The following ABCB4 variants were observed in gnomAD, a reference collection of about 807,000 sequenced individuals.
The protein encoded by ABCB4 is ATP binding cassette subfamily B member 4, also known as phosphatidylcholine translocator ABCB4.
A neutral mutation model predicts 145.7 loss-of-function variants in ABCB4; 76 were observed. The ratio of observed to expected loss-of-function variants is 0.52; its 90% confidence interval spans 0.43 to 0.63. ABCB4 has a LOEUF of 0.63. Ranked by LOEUF, ABCB4 falls within the 30% of genes least tolerant of loss-of-function variation. ABCB4 has a pLI of 0.00. For missense variants in ABCB4, 1,234 were observed against 1,553.1 expected (o/e 0.79, Z 3.45); for synonymous variants, 517 against 566.8 (o/e 0.91, Z 1.25).
At chr7:87,432,512 A>C (rs369547575) in intron 14 of ABCB4, among the ~76,000 whole-genome samples, 36 of 152,370 alleles carry the variant, frequency 2.4e-4, no homozygotes, top group East Asian at 2.3e-3. Flanking sequence ...AAAATGTGGT[A>C]TATCCATATA....
At chr7:87,454,353 C>G (rs551477772) in intron 5 of ABCB4, among the ~76,000 whole-genome samples, 182 bp downstream of exon 5, 1 of 152,146 alleles carries the variant, frequency 6.6e-6, no homozygotes, top group Non-Finnish European at 1.5e-5. Context: ...TCTTAGGAGT[C>G]ATACTGCAGT....
chr7:87,459,429 G>A (rs45500796), intron 4 of ABCB4, among the ~76,000 whole-genome samples: 10 of 151,964 alleles, frequency 6.6e-5, no homozygotes, highest in East Asian at 1.9e-4. Context: ...TTCATTTAGC[G>A]TCATGTCCTC....
At chr7:87,447,635 C>T (rs1811436917) in intron 8 of ABCB4, among the ~76,000 whole-genome samples, 1 of 152,180 alleles carries the variant, frequency 6.6e-6, no homozygotes, top group Non-Finnish European at 1.5e-5. Context: ...AATGTCTCTT[C>T]TCTGGAGAAA....
intron 3 of ABCB4, among the ~76,000 whole-genome samples, chr7:87,469,204 G>C (rs113813094): frequency 0.26 from 39,892 of 151,970 alleles, 6,282 homozygotes; most frequent in African/African-American, 0.45. Context: ...CAATAAATTA[G>C]GTATTGATGG....
At chr7:87,409,514 C>A in intron 23 of ABCB4, 122 bp from the exon 24 acceptor site, 1 of 953,956 alleles carries the variant, frequency 1.0e-6, no homozygotes, top group Non-Finnish European at 1.6e-6. Context: ...TCCCCTTTCT[C>A]CCCGACATAC....
chr7:87,401,962 G>T lies in ABCB4; in HGVS notation c.*134C>A. 2 of 1,223,174 alleles carry T rather than the reference G, an allele frequency of 1.6e-6. No individual in the cohort carries two copies. The highest frequency in any genetic ancestry group is 2.3e-6 in the Non-Finnish European group (2 of 854,942). The allele number at this position is 1,223,174 out of a possible 1,614,324, so 75.8% of individuals were successfully genotyped here. ...CAAATGCCGTAATAAACCCCAAATT[G>T]GGTCTTCTAAATTGATCTAGAATGA... On this transcript the variant is annotated 3_prime_UTR_variant, in exon 28 of 28. Transcript: ENST00000649586.
At position 87,402,344 on chromosome 7, in the gene ABCB4, T is replaced by C. The variant is rs550159745; in HGVS notation, c.3634-42A>G. 56 of 1,608,612 alleles carry C rather than the reference T, an allele frequency of 3.5e-5. No individual in the cohort carries two copies. The African/African-American group carries it at 6.5e-4, about 19-fold the overall frequency. On this transcript the variant is annotated intron_variant, in intron 27 of 27. Transcript: ENST00000649586. ...CAGACACCTTATCCCAAAAATTGTA[T>C]AAATTAGTTTTAACATTCAAGTAAA...
intron 15 of ABCB4, among the ~76,000 whole-genome samples, chr7:87,430,196 C>A (rs1421300351): frequency 6.6e-6 from 1 of 151,844 alleles, no homozygotes; most frequent in Non-Finnish European, 1.5e-5. Context: ...TGGAAACAGA[C>A]CAAATATCTA....
At chr7:87,390,337 T>C in the ABCB4 span, among the ~76,000 whole-genome samples, 4 of 152,348 alleles carry the variant, frequency 2.6e-5, no homozygotes, top group African/African-American at 7.2e-5. Context: ...TCAGTAGTCA[T>C]TGAAGATCAT....
Position 87,453,048 on chromosome 7 carries a change from T to C in ABCB4, c.432A>G (p.Arg144=). ...QVSFWTLAAG[R]QIRKIRQKFF... is the part of the protein sequence containing the mutation. Reference sequence around the variant, plus strand: ...ACTTCTGCCTAATTTTCCTGATCTGTCGACCAGCTGCCAAAGTCCAAAATG... The same window carrying C: ...ACTTCTGCCTAATTTTCCTGATCTGCCGACCAGCTGCCAAAGTCCAAAATG... The change falls in exon 6 of 28, where the codon CGA becomes CGG. Residue 144 remains arginine (R), a synonymous_variant. Coordinates refer to ENST00000649586, the MANE Select transcript of ABCB4 (RefSeq NM_000443.4). 3 of 1,614,102 alleles carry C rather than the reference T, an allele frequency of 1.9e-6. No homozygotes were observed. The African/African-American group carries it at 4.0e-5, about 22-fold the overall frequency.
At chr7:87,367,316 A>C in the ABCB4 span, among the ~76,000 whole-genome samples, 2 of 152,202 alleles carry the variant, frequency 1.3e-5, no homozygotes, top group African/African-American at 4.8e-5. Context: ...GAAGGGGTTC[A>C]TGAGCCCAAG....
In ABCB4 at chr7:87,402,096, T is replaced by C. The variant is rs200944951; in HGVS notation, c.3840A>G (p.Ter1280TrpextTer19). The C allele has an allele frequency of 6.2e-7, 1 of 1,614,138 alleles. No homozygotes were observed. Among genetic ancestry groups the C allele is most frequent in the East Asian group, 2.2e-5 (1 of 44,888 alleles). The stretch of plus-strand genomic sequence containing the variant: ...TTTTAAAATATACTGTAGCAAAAGT[T>C]CATAAGTTCTGTGTCCCAGCCTGGA... ...VSVQAGTQNL[*>W] is the part of the protein sequence containing the mutation. Residue 1280 changes from the stop codon to tryptophan (W), a stop_lost, in exon 28 of 28, where the codon TGA becomes TGG. Coordinates refer to ENST00000649586, the MANE Select transcript of ABCB4 (RefSeq NM_000443.4).
At chr7:87,377,375 T>C in the ABCB4 span, 2 of 1,609,674 alleles carry the variant, frequency 1.2e-6, no homozygotes, top group Non-Finnish European at 8.5e-7. Flanking sequence ...TTATTGGAGA[T>C]CCAACAGTAC....
downstream of ABCB4, among the ~76,000 whole-genome samples, chr7:87,400,892 T>C (rs1363569307): frequency 6.6e-6 from 1 of 152,200 alleles, no homozygotes. Flanking sequence ...AGAAACCTCC[T>C]CTCACTCACA....
rs1411970557 is a variant in ABCB4, at chr7:87,462,811, A to C, written c.233T>G (p.Phe78Cys). ...AACAAATTTGTCAGTCATCTCTCCA[A>C]ATACTATCATCATGAGGGGGAGACC... ...GSGLPLMMIV[F>C]GEMTDKFVDT... The change falls in exon 4 of 28, where the codon TTT (phenylalanine) becomes TGT (cysteine). Residue 78 changes from phenylalanine to cysteine, a missense_variant. Physicochemically the swap from Phe to Cys is radical, Grantham distance 205. Transcript: ENST00000649586. 1.2e-5 allele frequency: 19 copies of C among 1,613,886 alleles called. No homozygotes were observed. The highest frequency in any genetic ancestry group is 1.5e-5 in the Non-Finnish European group (18 of 1,179,896).
intron 3 of ABCB4, among the ~76,000 whole-genome samples, chr7:87,468,562 C>G (rs1308223616): frequency 6.6e-6 from 1 of 152,168 alleles, no homozygotes; most frequent in Non-Finnish European, 1.5e-5. Flanking sequence ...GATACCAAAG[C>G]CTGGCAGAGT....
chr7:87,383,815 A>G, the ABCB4 span, among the ~76,000 whole-genome samples: 35 of 152,020 alleles, frequency 2.3e-4, no homozygotes, highest in African/African-American at 8.2e-4. Flanking sequence ...CTTTATCCAT[A>G]CATCTGCTGG....
rs45565639 is a variant in ABCB4, at chr7:87,402,625, A to G, written c.3634-323T>C. On this transcript the variant is annotated intron_variant, in intron 27 of 27. Transcript: ENST00000649586. ...AATGTGCTAAAAATGTAATTTGTGC[A>G]GCTTTTTTCTTTTGAATGCTTTACT... 1.2e-3 allele frequency among the ~76,000 whole-genome samples: 185 copies of G among 152,268 alleles called. 2 individuals carry two copies. In the East Asian group the frequency reaches 0.034, roughly 28 times the overall value.
At chr7:87,411,424 TG>T (rs1808616206) in intron 23 of ABCB4, among the ~76,000 whole-genome samples, 1 of 152,130 alleles carries the variant, frequency 6.6e-6, no homozygotes, top group Non-Finnish European at 1.5e-5. Flanking sequence ...GAGAGGCAAA[TG>T]TTGGCAGGGC....
Sources: allele counts gnomAD v4.1 joint callset (sites outside exome capture counted in the v4.1 genomes callset), GRCh38; gene constraint gnomAD v4.1.1; transcripts MANE v1.5; gene names NCBI Gene and HGNC (gene_info 2026-07-23, HGNC 2026-07-21).